The following CALB2 variants were observed in gnomAD, a reference collection of about 807,000 sequenced individuals.
CALB2 encodes the protein calbindin 2.
A neutral mutation model predicts 45.9 loss-of-function variants in CALB2; 34 were observed. That is an observed-to-expected ratio of 0.74 (90% confidence interval 0.56 to 0.99). The LOEUF is 0.99. Ranked by LOEUF, CALB2 falls within the 50% of genes least tolerant of loss-of-function variation. The pLI, the probability that CALB2 is intolerant of heterozygous loss-of-function variation, is 0.00. For missense variants in CALB2, 344 were observed against 339.3 expected (o/e 1.01, Z -0.11); for synonymous variants, 142 against 129.6 (o/e 1.10, Z -0.65).
intron 4 of CALB2, among the ~76,000 whole-genome samples, chr16:71,380,459 C>T (rs1598171624): frequency 1.6e-5 from 1 of 62,208 alleles, no homozygotes; most frequent in South Asian, 3.5e-4. Flanking sequence ...CAGGCAGGCA[C>T]CACCACTTCC....
At chr16:71,383,577 C>A in intron 6 of CALB2, 133 bp downstream of exon 6, 2 of 776,394 alleles carry the variant, frequency 2.6e-6, no homozygotes, top group Non-Finnish European at 4.2e-6. Context: ...TGGCAGCTGG[C>A]AAAAAGGGAT....
Position 71,372,156 on chromosome 16 carries a change from A to G in CALB2, c.98A>G (p.Asn33Ser). The stretch of plus-strand genomic sequence containing the variant: ...TTTTTTCTCTCTCTTTTTACAGGAA[A>G]TGGGTATATTGAAGGTAAAGAGCTA... ...EIWKHFDADG[N>S]GYIEGKELEN... The change falls in exon 2 of 11, where the codon AAT becomes AGT. Residue 33 changes from asparagine to serine, a missense_variant. By Grantham distance (46) the Asn-to-Ser change is conservative. Transcript: ENST00000302628. 3 of 1,604,406 alleles carry G rather than the reference A, an allele frequency of 1.9e-6. No homozygotes were observed. The highest frequency in any genetic ancestry group is 2.6e-6 in the Non-Finnish European group (3 of 1,172,128).
chr16:71,366,705 T>C (rs984729730), intron 1 of CALB2, among the ~76,000 whole-genome samples: 2 of 152,098 alleles, frequency 1.3e-5, no homozygotes, highest in African/African-American at 4.8e-5. Context: ...ATAAATTGAT[T>C]TAGAGGAACT....
intron 1 of CALB2, among the ~76,000 whole-genome samples, chr16:71,361,601 G>A (rs1243939514): frequency 3.3e-5 from 5 of 152,168 alleles, no homozygotes; most frequent in Non-Finnish European, 7.3e-5. Context: ...ACAGCCCCCA[G>A]AGAGTTGGAG....
At chr16:71,366,162 G>A (rs1356896440) in intron 1 of CALB2, among the ~76,000 whole-genome samples, 1 of 149,524 alleles carries the variant, frequency 6.7e-6, no homozygotes, top group Non-Finnish European at 1.5e-5. Context: ...AAGTAGATGG[G>A]ACTACGTGTG....
intron 1 of CALB2, among the ~76,000 whole-genome samples, chr16:71,362,186 G>A (rs1255837759): frequency 1.3e-5 from 2 of 152,230 alleles, no homozygotes; most frequent in Non-Finnish European, 2.9e-5. Flanking sequence ...AAAGGATCCA[G>A]GTGGCTGAGG....
intron 2 of CALB2, among the ~76,000 whole-genome samples, chr16:71,372,491 A>T (rs1316436416): frequency 1.3e-5 from 2 of 152,130 alleles, no homozygotes; most frequent in Non-Finnish European, 2.9e-5. Context: ...TTGTCTGCGT[A>T]TGCGTATATT....
At chr16:71,379,736 G>C (rs557807938) in intron 4 of CALB2, among the ~76,000 whole-genome samples, 1 of 152,304 alleles carries the variant, frequency 6.6e-6, no homozygotes, top group East Asian at 1.9e-4. Context: ...TGTAACAACT[G>C]GAGAGCTGGC....
intron 6 of CALB2, among the ~76,000 whole-genome samples, chr16:71,383,662 T>C (rs888967768): frequency 3.9e-5 from 6 of 152,174 alleles, no homozygotes; most frequent in African/African-American, 1.4e-4. Context: ...ATTGTCTGTC[T>C]CCATGGCAAC....
chr16:71,359,011 C>A, intron 1 of CALB2, 125 bp downstream of exon 1: 2 of 776,468 alleles, frequency 2.6e-6, no homozygotes, highest in Non-Finnish European at 4.3e-6. Flanking sequence ...GGTCGCAGAG[C>A]CTGCTGGGGT....
At chr16:71,386,486 CAAAGA>C (rs1329203245) in intron 10 of CALB2, among the ~76,000 whole-genome samples, 2 of 152,192 alleles carry the variant, frequency 1.3e-5, no homozygotes, top group Non-Finnish European at 2.9e-5. Context: ...TTGTTCCTCT[CAAAGA>C]AAAGGCAAAG....
At chr16:71,383,653 T>TTGTCTGTCTCCATGGCAACC (rs1336070104) in intron 6 of CALB2, among the ~76,000 whole-genome samples, 18 of 152,120 alleles carry the variant, frequency 1.2e-4, no homozygotes, top group Admixed American at 1.2e-3. Flanking sequence ...GCCAATGTGA[T>TTGTCTGTCTCCATGGCAACC]TGTCTGTCTC....
chr16:71,368,060 C>G (rs534257319), intron 1 of CALB2, among the ~76,000 whole-genome samples: 1 of 152,312 alleles, frequency 6.6e-6, no homozygotes, highest in East Asian at 1.9e-4. Context: ...ATGACACCAT[C>G]ATTCTTTCAT....
At chr16:71,361,923 G>C (rs2042241034) in intron 1 of CALB2, among the ~76,000 whole-genome samples, 1 of 152,188 alleles carries the variant, frequency 6.6e-6, no homozygotes, top group Non-Finnish European at 1.5e-5. Context: ...TGGTCTCCTA[G>C]TCCGCAATAC....
chr16:71,385,583 A>T lies in CALB2; in HGVS notation c.634A>T (p.Ser212Cys), dbSNP rs1273925145. Reference sequence around the variant, plus strand: ...ACTCTGCTCCCATCCCCAGGATAGAAGCGGCTACATTGACGAGCATGAGCT... The same window carrying T: ...ACTCTGCTCCCATCCCCAGGATAGATGCGGCTACATTGACGAGCATGAGCT... ...AIFTFYDKDRSGYIDEHELDA... is the reference protein window; with the variant it reads ...AIFTFYDKDRCGYIDEHELDA... The change falls in exon 10 of 11, where the codon AGC (serine) becomes TGC (cysteine). Residue 212 changes from serine to cysteine, a missense_variant. Coordinates refer to ENST00000302628, the MANE Select transcript of CALB2 (RefSeq NM_001740.5). 1.2e-6 allele frequency: 2 copies of T among 1,613,978 alleles called. No homozygotes were observed. Among genetic ancestry groups the T allele is most frequent in the Non-Finnish European group, 1.7e-6 (2 of 1,180,012 alleles).
chr16:71,368,912 A>G (rs373858097), intron 1 of CALB2, among the ~76,000 whole-genome samples: 5 of 152,164 alleles, frequency 3.3e-5, no homozygotes, highest in African/African-American at 1.2e-4. Context: ...CCTCCTTCAA[A>G]CCTTTCTAGA....
At chr16:71,364,825 C>T (rs529334099) in intron 1 of CALB2, among the ~76,000 whole-genome samples, 8 of 151,970 alleles carry the variant, frequency 5.3e-5, no homozygotes, top group African/African-American at 1.2e-4. Context: ...CTGGAAGAAG[C>T]GTGTGTGTGT....
chr16:71,369,730 AG>A (rs1161287449), intron 1 of CALB2, among the ~76,000 whole-genome samples: 6 of 151,924 alleles, frequency 3.9e-5, no homozygotes, highest in African/African-American at 1.5e-4. Flanking sequence ...AGATGCACCC[AG>A]GGCTGAGCTC....
rs564875828 is a variant in CALB2, at chr16:71,362,400, G to A, written c.94+3514G>A. On this transcript the variant is annotated intron_variant, in intron 1 of 10. Transcript: ENST00000302628. Reference sequence around the variant, plus strand: ...CCAGGGGCAAGCAGACATTCATGGGGCCAAGGTGAACATCCTACTCCCTTC... The same window carrying A: ...CCAGGGGCAAGCAGACATTCATGGGACCAAGGTGAACATCCTACTCCCTTC... 2.0e-5 allele frequency among the ~76,000 whole-genome samples: 3 copies of A among 152,288 alleles called. No homozygotes were observed. In the East Asian group the frequency reaches 5.8e-4, roughly 29 times the overall value.
Sources: gnomAD v4.1 joint callset for allele counts (sites outside exome capture counted in the v4.1 genomes callset) on GRCh38, gnomAD v4.1.1 for gene constraint, MANE v1.5 for transcripts, NCBI Gene and HGNC (gene_info 2026-07-23, HGNC 2026-07-21) for gene names.